NRCAM: variants seen among roughly 807,000 people sequenced by gnomAD.
NRCAM encodes the protein NgCAM-related cell adhesion molecule.
Under a neutral mutation model 156.5 loss-of-function variants are expected in NRCAM, and 83 were observed. That is an observed-to-expected ratio of 0.53 (90% CI 0.44 to 0.64). NRCAM has a LOEUF of 0.64. NRCAM is among the 30% of genes least tolerant of loss of function. The pLI, the probability that NRCAM is intolerant of heterozygous loss-of-function variation, is 0.00. For missense variants in NRCAM, 1,417 were observed against 1,597.3 expected (o/e 0.89, Z 1.92); for synonymous variants, 538 against 563.9 (o/e 0.95, Z 0.65).
intron 2 of NRCAM, among the ~76,000 whole-genome samples, chr7:108,337,621 A>ACC (rs918719815): frequency 6.6e-6 from 1 of 152,084 alleles, no homozygotes; most frequent in African/African-American, 2.4e-5. Flanking sequence ...CTCTTCCATG[A>ACC]CCCACGGCTT....
intron 2 of NRCAM, among the ~76,000 whole-genome samples, chr7:108,378,454 T>C (rs888662975): frequency 1.3e-5 from 2 of 151,750 alleles, no homozygotes; most frequent in South Asian, 2.1e-4. Context: ...TTTAAAAAGG[T>C]TGAGAATCAT....
chr7:108,421,675 C>T (rs146994824), intron 1 of NRCAM, among the ~76,000 whole-genome samples: 2 of 152,176 alleles, frequency 1.3e-5, no homozygotes, highest in East Asian at 3.9e-4. Context: ...TATTGTTTTC[C>T]CTGTATTCCA....
chr7:108,372,508 T>A (rs1345892757), intron 2 of NRCAM, among the ~76,000 whole-genome samples: 1 of 152,106 alleles, frequency 6.6e-6, no homozygotes, highest in Non-Finnish European at 1.5e-5. Context: ...CTCAATAGTT[T>A]TAAACAAATC....
intron 5 of NRCAM, among the ~76,000 whole-genome samples, chr7:108,236,732 T>C (rs1449514307): frequency 6.6e-6 from 1 of 152,160 alleles, no homozygotes; most frequent in East Asian, 1.9e-4. Flanking sequence ...TGGACCAGAT[T>C]CACCTCTGAA....
At chr7:108,222,736 A>G (rs1353973796) in intron 11 of NRCAM, among the ~76,000 whole-genome samples, 1 of 152,162 alleles carries the variant, frequency 6.6e-6, no homozygotes, top group East Asian at 1.9e-4. Flanking sequence ...TGTGAAACCA[A>G]TGAGTTGCCT....
chr7:108,265,686 T>A (rs1217333931), intron 3 of NRCAM, among the ~76,000 whole-genome samples: 1 of 152,234 alleles, frequency 6.6e-6, no homozygotes, highest in Non-Finnish European at 1.5e-5. Flanking sequence ...TTACTTTATC[T>A]TTACAGGAGT....
chr7:108,218,914 CA>C (rs973809288), intron 11 of NRCAM, among the ~76,000 whole-genome samples: 1 of 152,174 alleles, frequency 6.6e-6, no homozygotes, highest in Non-Finnish European at 1.5e-5. Context: ...ATAAATGAAA[CA>C]AACAGCTGGT....
chr7:108,258,047 G>A (rs2096750724), intron 3 of NRCAM, among the ~76,000 whole-genome samples: 1 of 152,216 alleles, frequency 6.6e-6, no homozygotes. Context: ...ATAAAAGAAA[G>A]CAAGCTCAGA....
chr7:108,405,888 G>A (rs1018029657), intron 1 of NRCAM, among the ~76,000 whole-genome samples: 1 of 152,144 alleles, frequency 6.6e-6, no homozygotes. Context: ...GAAGGCCAAG[G>A]TGGGAGGACT....
intron 2 of NRCAM, among the ~76,000 whole-genome samples, chr7:108,377,422 C>T (rs2099680836): frequency 6.6e-6 from 1 of 151,950 alleles, no homozygotes; most frequent in Non-Finnish European, 1.5e-5. Context: ...TATAAATATC[C>T]TCAGTGAGAA....
intron 13 of NRCAM, among the ~76,000 whole-genome samples, chr7:108,202,141 G>C (rs1383522195): frequency 1.3e-5 from 2 of 152,120 alleles, no homozygotes; most frequent in African/African-American, 4.8e-5. Context: ...AAACACTGGA[G>C]AAAGAAATTT....
intron 15 of NRCAM, among the ~76,000 whole-genome samples, chr7:108,194,932 G>A (rs528866442): frequency 1.4e-4 from 21 of 152,256 alleles, no homozygotes; most frequent in African/African-American, 5.1e-4. Context: ...CTTAAACCTC[G>A]GGTGGCATAT....
intron 2 of NRCAM, among the ~76,000 whole-genome samples, chr7:108,370,882 T>G (rs1377882815): frequency 2.3e-5 from 3 of 132,620 alleles, no homozygotes; most frequent in Non-Finnish European, 5.2e-5. Flanking sequence ...CTTGCCGTCA[T>G]ATTAATAATA....
chr7:108,289,620 A>G (rs1178830976), intron 3 of NRCAM, among the ~76,000 whole-genome samples: 1 of 152,138 alleles, frequency 6.6e-6, no homozygotes, highest in African/African-American at 2.4e-5. Context: ...GGAGGCACTC[A>G]AGAAATGGTT....
At position 108,149,917 on chromosome 7, in the gene NRCAM, A is replaced by G; in HGVS notation, c.3908T>C (p.Phe1303Ser). ...TGGCAAAGAGCTTAAAAATTAAACA[A>G]AGGAATTCATGGCGTTGACAGGAGA... ...APSPVNAMNS[F>S]V The change falls in exon 33 of 33, where the codon TTT becomes TCT. Residue 1303 changes from phenylalanine (F) to serine (S), a missense_variant. Transcript: ENST00000379028. 1 of 1,605,030 alleles carries G rather than the reference A, an allele frequency of 6.2e-7. No individual in the cohort carries two copies. The highest frequency in any genetic ancestry group is 8.5e-7 in the Non-Finnish European group (1 of 1,177,694).
At chr7:108,275,785 T>G (rs1011338769) in intron 3 of NRCAM, among the ~76,000 whole-genome samples, 3 of 152,138 alleles carry the variant, frequency 2.0e-5, no homozygotes, top group Non-Finnish European at 4.4e-5. Context: ...GCTTTTGAAT[T>G]TGTTTGCTCT....
At chr7:108,211,372 G>C (rs570357193) in intron 11 of NRCAM, among the ~76,000 whole-genome samples, 1 of 152,162 alleles carries the variant, frequency 6.6e-6, no homozygotes, top group Non-Finnish European at 1.5e-5. Context: ...TGAACCAGAC[G>C]AGAAACCTCC....
intron 1 of NRCAM, among the ~76,000 whole-genome samples, chr7:108,416,790 T>G (rs2154427582): frequency 6.6e-6 from 1 of 152,340 alleles, no homozygotes; most frequent in East Asian, 1.9e-4. Context: ...TCACACATCC[T>G]GTTAATTACT....
At chr7:108,163,857 T>C (rs1302669521) in intron 30 of NRCAM, among the ~76,000 whole-genome samples, 1 of 34,114 alleles carries the variant, frequency 2.9e-5, no homozygotes. Context: ...TGAGAGGTCA[T>C]ACTGGGTGGG....
Sources: gnomAD v4.1 joint callset for allele counts (sites outside exome capture counted in the v4.1 genomes callset) on GRCh38, gnomAD v4.1.1 for gene constraint, MANE v1.5 for transcripts, NCBI Gene and HGNC (gene_info 2026-07-23, HGNC 2026-07-21) for gene names.